The following BSN variants were observed in gnomAD, a reference collection of about 807,000 sequenced individuals.
BSN encodes the protein bassoon presynaptic cytomatrix protein, also known as protein bassoon.
BSN carries 57 observed loss-of-function variants against 264.8 expected under a neutral mutation model. The observed-to-expected ratio is 0.22, with a 90% CI of 0.17 to 0.27. The LOEUF (loss-of-function observed/expected upper bound fraction) is 0.27. Among genes scored for constraint, BSN ranks in the 10% least tolerant of loss-of-function variants. BSN has a pLI of 1.00. For missense variants in BSN, 4,615 were observed against 5,232.5 expected, an observed-to-expected ratio of 0.88 and a Z score of 3.64; for synonymous variants, 2,059 against 2,137.3, an observed-to-expected ratio of 0.96 and a Z score of 1.01.
intron 3 of BSN, among the ~76,000 whole-genome samples, chr3:49,650,376 G>A (rs552660779): frequency 6.6e-6 from 1 of 152,288 alleles, no homozygotes; most frequent in African/African-American, 2.4e-5. Context: ...GTTAAGGAAA[G>A]TACTCTTCTT....
intron 1 of BSN, among the ~76,000 whole-genome samples, chr3:49,582,022 C>T (rs1017168277): frequency 1.3e-5 from 2 of 152,002 alleles, no homozygotes; most frequent in African/African-American, 4.8e-5. Flanking sequence ...AGTGGAATTC[C>T]TGGATCATAT....
At chr3:49,631,624 A>G (rs1483266692) in intron 2 of BSN, among the ~76,000 whole-genome samples, 1 of 151,958 alleles carries the variant, frequency 6.6e-6, no homozygotes, top group Non-Finnish European at 1.5e-5. Context: ...GAATGTCAGA[A>G]TTGCTGGATG....
At position 49,669,628 on chromosome 3, in the gene BSN, C is replaced by T. The variant is rs2052741114; in HGVS notation, c.*2143C>T. On this transcript the variant is annotated 3_prime_UTR_variant, in exon 12 of 12. Coordinates refer to ENST00000296452, the MANE Select transcript of BSN (RefSeq NM_003458.4). The stretch of plus-strand genomic sequence containing the variant: ...CTCAAAGGACTGTGAGCCAGGAGAT[C>T]TGGGCTGGAGCTAGGGGGTCAATGG... 6.6e-6 allele frequency: 1 copy of T among 152,346 alleles called. No individual in the cohort carries two copies. The highest frequency in any genetic ancestry group is 1.5e-5 in the Non-Finnish European group (1 of 68,078). 9.4% of individuals were successfully genotyped at this position (152,346 alleles called of 1,614,324 possible).
chr3:49,643,255 A>G (rs2052480658), intron 3 of BSN, 103 bp downstream of exon 3: 2 of 1,471,650 alleles, frequency 1.4e-6, no homozygotes, highest in South Asian at 1.4e-5. Context: ...TGCAGCAGCC[A>G]TGGGGCTGCT....
intron 1 of BSN, among the ~76,000 whole-genome samples, chr3:49,575,540 A>G (rs1559595781): frequency 6.8e-6 from 1 of 147,488 alleles, no homozygotes; most frequent in East Asian, 1.9e-4. Context: ...ATGTAAATAT[A>G]TGTGTGTATA....
At chr3:49,601,949 G>C (rs755572570) in intron 1 of BSN, among the ~76,000 whole-genome samples, 6 of 152,172 alleles carry the variant, frequency 3.9e-5, no homozygotes, top group Non-Finnish European at 5.9e-5. Flanking sequence ...GGAGAACTTG[G>C]TGTTCCCTGA....
At chr3:49,569,684 G>GCAA (rs2051781872) in intron 1 of BSN, among the ~76,000 whole-genome samples, 1 of 152,142 alleles carries the variant, frequency 6.6e-6, no homozygotes, top group African/African-American at 2.4e-5. Flanking sequence ...CTCAGACTGG[G>GCAA]CAGTTCACTT....
intron 1 of BSN, among the ~76,000 whole-genome samples, chr3:49,560,660 G>T (rs941971846): frequency 6.6e-6 from 1 of 152,212 alleles, no homozygotes; most frequent in Non-Finnish European, 1.5e-5. Flanking sequence ...TGTCATGCTG[G>T]TATTGATCCT....
rs139787101 is a variant in BSN, at chr3:49,650,722, C to A, written c.1629C>A (p.Ala543=). The change falls in exon 4 of 12, where the codon GCC becomes GCA. Residue 543 remains alanine, a synonymous_variant. Transcript: ENST00000296452. ...CCTCACAGCAGCCCCCTGTAGGGGC[C>A]CCTCACCGTGCATCTGGAACATCCC... is the stretch of plus-strand genomic sequence containing the variant. The part of the protein sequence containing the change: ...PPTSQQPPVG[A]PHRASGTSPL... 6.2e-7 allele frequency: 1 copy of A among 1,613,394 alleles called. No individual in the cohort carries two copies. The highest frequency in any genetic ancestry group is 2.2e-5 in the East Asian group (1 of 44,884).
At chr3:49,580,659 A>G (rs949788414) in intron 1 of BSN, among the ~76,000 whole-genome samples, 4 of 152,052 alleles carry the variant, frequency 2.6e-5, no homozygotes, top group African/African-American at 9.7e-5. Context: ...AGGTTTTACT[A>G]TATAGTCTAG....
chr3:49,574,621 GT>G (rs1175579059), intron 1 of BSN, among the ~76,000 whole-genome samples: 1 of 144,778 alleles, frequency 6.9e-6, no homozygotes, highest in Non-Finnish European at 1.5e-5. Context: ...TTTAGTAGAG[GT>G]GGGGTTTCTT....
At position 49,585,091 on chromosome 3, in the gene BSN, C is replaced by T. The variant is rs1323599457; in HGVS notation, c.224+30265C>T. ...ATCTTAGCTATTATAAACAGTGCTGCGACAAACTCAGGAGTGCAGATATCT... is the reference window on the plus strand; with the variant it reads ...ATCTTAGCTATTATAAACAGTGCTGTGACAAACTCAGGAGTGCAGATATCT... On this transcript the variant is annotated intron_variant, in intron 1 of 11. Coordinates refer to ENST00000296452, the MANE Select transcript of BSN (RefSeq NM_003458.4). This position sits in a 1 kb window ranked among gnomAD's most constrained non-coding sequence, Gnocchi z 4.7. 2.6e-5 allele frequency among the ~76,000 whole-genome samples: 4 copies of T among 152,136 alleles called. No individual in the cohort carries two copies. The highest frequency in any genetic ancestry group is 5.9e-5 in the Non-Finnish European group (4 of 68,030).
At chr3:49,672,383 A>C (rs1024320063), downstream of BSN, among the ~76,000 whole-genome samples, 10 of 152,150 alleles carry the variant, frequency 6.6e-5, no homozygotes, top group Non-Finnish European at 1.5e-4. Context: ...TTTCCACCCA[A>C]ATTGGTGGCT....
At chr3:49,645,077 C>T (rs1388031653) in intron 3 of BSN, among the ~76,000 whole-genome samples, 1 of 152,180 alleles carries the variant, frequency 6.6e-6, no homozygotes, top group South Asian at 2.1e-4. Context: ...CCTGCTGTCT[C>T]CATGTCCTGC....
Position 49,653,558 on chromosome 3 carries a change from C to T in BSN, c.4002C>T (p.Gly1334=). 1 of 1,613,924 alleles carries T rather than the reference C, an allele frequency of 6.2e-7. No homozygotes were observed. Among genetic ancestry groups the T allele is most frequent in the Non-Finnish European group, 8.5e-7 (1 of 1,179,982 alleles). ...STPTSSDSSG[G]RVIPDVRVTQ... ...CCACCTCCTCAGACAGCAGCGGGGG[C>T]CGAGTTATTCCCGATGTCCGTGTCA... The change falls in exon 5 of 12, where the codon GGC becomes GGT. Residue 1334 remains glycine (G), a synonymous_variant. Coordinates refer to ENST00000296452, the MANE Select transcript of BSN (RefSeq NM_003458.4). This position sits in a 1 kb window ranked among gnomAD's most constrained non-coding sequence, Gnocchi z 6.3.
At chr3:49,649,868 G>C (rs568656618) in intron 3 of BSN, among the ~76,000 whole-genome samples, 1 of 152,338 alleles carries the variant, frequency 6.6e-6, no homozygotes, top group Non-Finnish European at 1.5e-5. Flanking sequence ...TCTGGAAGGA[G>C]CAGGGCCCCT....
In BSN at chr3:49,642,592, C is replaced by T. The variant is rs769209556; in HGVS notation, c.958C>T (p.Pro320Ser). The change falls in exon 3 of 12, where the codon CCT (proline) becomes TCT (serine). Residue 320 changes from proline to serine, a missense_variant. Transcript: ENST00000296452. The surrounding 1 kb of genome is among the most constrained non-coding windows in gnomAD (Gnocchi z 7.0). Reference sequence around the variant, plus strand: ...GCCTTCCACAGCTGAGCCCAGGCCACCTGCAGGAGAGGCCCCGGCCAAAAG... The same window carrying T: ...GCCTTCCACAGCTGAGCCCAGGCCATCTGCAGGAGAGGCCCCGGCCAAAAG... The part of the protein sequence containing the change: ...TKPSTAEPRP[P>S]AGEAPAKSAT... 3.1e-6 allele frequency: 5 copies of T among 1,605,262 alleles called. No individual in the cohort carries two copies. In the Admixed American group the frequency reaches 8.4e-5, roughly 27 times the overall value.
At chr3:49,662,718 TG>T (rs2052671090) in intron 6 of BSN, among the ~76,000 whole-genome samples, 156 bp downstream of exon 6, 1 of 140,306 alleles carries the variant, frequency 7.1e-6, no homozygotes, top group Admixed American at 7.0e-5. Flanking sequence ...CTGCTCCATC[TG>T]TGCCCTGGTC....
intron 1 of BSN, among the ~76,000 whole-genome samples, chr3:49,621,418 C>A (rs2052304594): frequency 6.6e-6 from 1 of 152,162 alleles, no homozygotes; most frequent in Non-Finnish European, 1.5e-5. Flanking sequence ...GAGGAAGAAT[C>A]TGCAGAAGAG....
Sources: gnomAD v4.1 joint callset for allele counts (sites outside exome capture counted in the v4.1 genomes callset) on GRCh38, gnomAD v4.1.1 for gene constraint, Gnocchi (gnomAD v3.1) non-coding constraint, MANE v1.5 for transcripts, NCBI Gene and HGNC (gene_info 2026-07-23, HGNC 2026-07-21) for gene names.